PLPPR2: variants seen among roughly 807,000 people sequenced by gnomAD.
The protein encoded by PLPPR2 is phospholipid phosphatase-related protein type 2.
A neutral mutation model predicts 40.3 loss-of-function variants in PLPPR2; 11 were observed. That is an observed-to-expected ratio of 0.27 (90% confidence interval 0.17 to 0.45). The LOEUF (loss-of-function observed/expected upper bound fraction) is 0.45. Ranked by LOEUF, PLPPR2 falls within the 20% of genes least tolerant of loss-of-function variation. PLPPR2 has a pLI of 1.00. For synonymous variants in PLPPR2, 260 were observed against 290.8 expected (o/e 0.89, Z 1.08); for missense variants, 497 against 640.7 (o/e 0.78, Z 2.42).
chr19:11,363,542 A>G lies in PLPPR2; in HGVS notation c.841-171A>G, dbSNP rs1968107801. 6.6e-6 allele frequency among the ~76,000 whole-genome samples: 1 copy of G among 152,208 alleles called. No individual in the cohort carries two copies. Among genetic ancestry groups the G allele is most frequent in the African/African-American group, 2.4e-5 (1 of 41,464 alleles). ...TGTGGGGTCTGTGGGATAAATAATAATTGCACCTACCTCAGTAAAATGGAA... is the reference window on the plus strand; with the variant it reads ...TGTGGGGTCTGTGGGATAAATAATAGTTGCACCTACCTCAGTAAAATGGAA... On this transcript the variant is annotated intron_variant, in intron 7 of 9. Transcript: ENST00000688289. This position sits in a 1 kb window ranked among gnomAD's most constrained non-coding sequence, Gnocchi z 4.8.
In PLPPR2 at chr19:11,364,696, G is replaced by C. The variant is rs1234141259; in HGVS notation, c.*6G>C. On this transcript the variant is annotated 3_prime_UTR_variant, in exon 10 of 10. Coordinates refer to ENST00000688289, the MANE Select transcript of PLPPR2 (RefSeq NM_001393892.1). The surrounding 1 kb of genome is among the most constrained non-coding windows in gnomAD (Gnocchi z 5.8). ...GCCGTGACCACCTGCTGTGAGGCCCGACCACCCACCCAGAATCTGCCCAGT... is the reference window on the plus strand; with the variant it reads ...GCCGTGACCACCTGCTGTGAGGCCCCACCACCCACCCAGAATCTGCCCAGT... 3 of 1,536,706 alleles carry C rather than the reference G, an allele frequency of 2.0e-6. No individual in the cohort carries two copies. The highest frequency in any genetic ancestry group is 2.6e-6 in the Non-Finnish European group (3 of 1,146,782).
In PLPPR2 at chr19:11,361,269, G is replaced by A; in HGVS notation, c.444G>A (p.Gln148=). The A allele has an allele frequency of 2.5e-6, 4 of 1,613,450 alleles. No individual in the cohort carries two copies. Among genetic ancestry groups the A allele is most frequent in the Non-Finnish European group, 3.4e-6 (4 of 1,179,940 alleles). ...CGACCATCTTCGCCAACGCGGGGCA[G>A]GTGGTGACCGGCAATCCCACGCCAC... ...FTTTIFANAG[Q]VVTGNPTPHF... The change falls in exon 6 of 10, where the codon CAG becomes CAA. Residue 148 remains glutamine (Q), a synonymous_variant. Coordinates refer to ENST00000688289, the MANE Select transcript of PLPPR2 (RefSeq NM_001393892.1). This position sits in a 1 kb window ranked among gnomAD's most constrained non-coding sequence, Gnocchi z 6.3.
chr19:11,361,593 G>A lies in PLPPR2; in HGVS notation c.663+105G>A. On this transcript the variant is annotated intron_variant, in intron 6 of 9. Coordinates refer to ENST00000688289, the MANE Select transcript of PLPPR2 (RefSeq NM_001393892.1). The surrounding 1 kb of genome is among the most constrained non-coding windows in gnomAD (Gnocchi z 6.3). ...GAGCCTCTGCTCTTCCACGCCCCGG[G>A]TGCTGTTGGAAGCTCTCGCTCCACG... The A allele has an allele frequency of 6.8e-7, 1 of 1,462,108 alleles. No homozygotes were observed. Among genetic ancestry groups the A allele is most frequent in the Middle Eastern group, 2.4e-4 (1 of 4,116 alleles). The allele number at this position is 1,462,108 out of a possible 1,614,324, so 90.6% of individuals were successfully genotyped here.
In PLPPR2 at chr19:11,364,874, G is replaced by A. The variant is rs1330497016; in HGVS notation, c.*184G>A. ...CTCTGGCCCTCTGAGATATCCCGAT[G>A]GGCACAAATGGAAGGTGCGCACTTG... On this transcript the variant is annotated 3_prime_UTR_variant, in exon 10 of 10. Coordinates refer to ENST00000688289, the MANE Select transcript of PLPPR2 (RefSeq NM_001393892.1). This position sits in a 1 kb window ranked among gnomAD's most constrained non-coding sequence, Gnocchi z 5.8. 4 of 698,384 alleles carry A rather than the reference G, an allele frequency of 5.7e-6. No homozygotes were observed. The highest frequency in any genetic ancestry group is 7.1e-6 in the Non-Finnish European group (3 of 420,308). 43.3% of individuals were successfully genotyped at this position (698,384 alleles called of 1,614,324 possible).
chr19:11,365,469 G>A lies in PLPPR2; in HGVS notation c.*779G>A, dbSNP rs1243311012. The A allele has an allele frequency of 1.3e-5, 2 of 152,708 alleles. No individual in the cohort carries two copies. Among genetic ancestry groups the A allele is most frequent in the Non-Finnish European group, 2.9e-5 (2 of 68,132 alleles). 9.5% of individuals were successfully genotyped at this position (152,708 alleles called of 1,614,324 possible). A position where few individuals can be genotyped will look rare whatever the true frequency, so the allele number is the denominator to read the frequency against. On this transcript the variant is annotated 3_prime_UTR_variant, in exon 10 of 10. Coordinates refer to ENST00000688289, the MANE Select transcript of PLPPR2 (RefSeq NM_001393892.1). ...GTTATTTATTAGGGCTGTGGGAAGG[G>A]TTTTTCTTCTTTTTCTTGGAACCTG...
chr19:11,357,259 T>C (rs59656596), intron 2 of PLPPR2, among the ~76,000 whole-genome samples: 11,961 of 151,786 alleles, frequency 0.079, 931 homozygotes, highest in African/African-American at 0.2. Context: ...GGGGGCCCCT[T>C]GGGAAAGAGG....
chr19:11,361,266 G>A lies in PLPPR2; in HGVS notation c.441G>A (p.Gly147=), dbSNP rs1968033607. The A allele has an allele frequency of 6.2e-7, 1 of 1,613,224 alleles. No homozygotes were observed. The highest frequency in any genetic ancestry group is 1.3e-5 in the African/African-American group (1 of 74,914). ...LFTTTIFANA[G]QVVTGNPTPH... ...CCACGACCATCTTCGCCAACGCGGG[G>A]CAGGTGGTGACCGGCAATCCCACGC... Residue 147 remains glycine, a synonymous_variant, in exon 6 of 10, where the codon GGG becomes GGA. Transcript: ENST00000688289. This position sits in a 1 kb window ranked among gnomAD's most constrained non-coding sequence, Gnocchi z 6.3.
chr19:11,359,427 AC>A lies in PLPPR2; in HGVS notation c.67-102del, dbSNP rs2144670008. On this transcript the variant is annotated intron_variant, in intron 3 of 9. Coordinates refer to ENST00000688289, the MANE Select transcript of PLPPR2 (RefSeq NM_001393892.1). This position sits in a 1 kb window ranked among gnomAD's most constrained non-coding sequence, Gnocchi z 5.6. ...CTCCATCTTCTAGTTTCTGTCTCTA[AC>A]CCATGTTTCTCCATCTCTGTATCTC... 3 of 1,059,638 alleles carry A rather than the reference AC, an allele frequency of 2.8e-6. No individual in the cohort carries two copies. The Admixed American group carries it at 9.9e-5, about 35-fold the overall frequency. 65.6% of individuals were successfully genotyped at this position (1,059,638 alleles called of 1,614,324 possible).
rs1471335321 is a variant in PLPPR2 at position 11,365,402 on chromosome 19, G to C, written c.*712G>C. ...CAGAGGTTTTGGGGTTCAGGGTGCT[G>C]TGTCTCCCCTTGCCTGTGCCCAGGT... On this transcript the variant is annotated 3_prime_UTR_variant, in exon 10 of 10. Coordinates refer to ENST00000688289, the MANE Select transcript of PLPPR2 (RefSeq NM_001393892.1). 1.3e-5 allele frequency: 2 copies of C among 152,948 alleles called. No homozygotes were observed. The highest frequency in any genetic ancestry group is 4.8e-5 in the African/African-American group (2 of 41,446). The allele number at this position is 152,948 out of a possible 1,614,324, so 9.5% of individuals were successfully genotyped here. A position where few individuals can be genotyped will look rare whatever the true frequency, so the allele number is the denominator to read the frequency against.
chr19:11,357,582 T>G, intron 2 of PLPPR2, 78 bp from the exon 3 acceptor site: 1 of 1,074,736 alleles, frequency 9.3e-7, no homozygotes, highest in South Asian at 1.6e-5. Flanking sequence ...ACTCAGGGGA[T>G]GAAGCCAGGG....
rs913318835 is a variant in PLPPR2, at chr19:11,364,528, T to C, written c.1197T>C (p.Pro399=). Residue 399 remains proline (P), a synonymous_variant, in exon 10 of 10, where the codon CCT becomes CCC. Coordinates refer to ENST00000688289, the MANE Select transcript of PLPPR2 (RefSeq NM_001393892.1). This position sits in a 1 kb window ranked among gnomAD's most constrained non-coding sequence, Gnocchi z 5.8. ...TPSQGPSPSS[P]GPGGPGGGGG... is the part of the protein sequence containing the mutation. ...GCCAGGGCCCCTCGCCTTCCTCCCCTGGACCTGGGGGGCCAGGCGGGGGTG... is the reference window on the plus strand; with the variant it reads ...GCCAGGGCCCCTCGCCTTCCTCCCCCGGACCTGGGGGGCCAGGCGGGGGTG... 2.6e-6 allele frequency: 4 copies of C among 1,534,936 alleles called. No homozygotes were observed. The highest frequency in any genetic ancestry group is 1.4e-5 in the African/African-American group (1 of 72,998).
chr19:11,363,954 T>G lies in PLPPR2; in HGVS notation c.963+119T>G. On this transcript the variant is annotated intron_variant, in intron 8 of 9. Transcript: ENST00000688289. The surrounding 1 kb of genome is among the most constrained non-coding windows in gnomAD (Gnocchi z 4.8). Reference sequence around the variant, plus strand: ...TCAGAACCATGGGGAAGTGGAGGGATCACCCATCTCTGTGGACATAGGTCC... The same window carrying G: ...TCAGAACCATGGGGAAGTGGAGGGAGCACCCATCTCTGTGGACATAGGTCC... 65 of 1,257,642 alleles carry G rather than the reference T, an allele frequency of 5.2e-5. No individual in the cohort carries two copies. The highest frequency in any genetic ancestry group is 6.7e-5 in the Non-Finnish European group (61 of 911,866). The allele number at this position is 1,257,642 out of a possible 1,614,324, so 77.9% of individuals were successfully genotyped here.
intron 3 of PLPPR2, among the ~76,000 whole-genome samples, 164 bp downstream of exon 3, chr19:11,357,903 G>A (rs1041389484): frequency 1.3e-5 from 2 of 151,932 alleles, no homozygotes; most frequent in East Asian, 1.9e-4. Context: ...GCCACTCCCC[G>A]GGGTCCAATC....
In PLPPR2 at chr19:11,363,591, T is replaced by C. The variant is rs1448560895; in HGVS notation, c.841-122T>C. Reference sequence around the variant, plus strand: ...AACCAACAGTGCCTGGCACATACTATGCATTAGCTGTTTTTGAAAACCGGA... The same window carrying C: ...AACCAACAGTGCCTGGCACATACTACGCATTAGCTGTTTTTGAAAACCGGA... On this transcript the variant is annotated intron_variant, in intron 7 of 9. Transcript: ENST00000688289. The surrounding 1 kb of genome is among the most constrained non-coding windows in gnomAD (Gnocchi z 4.8). 1 of 1,140,972 alleles carries C rather than the reference T, an allele frequency of 8.8e-7. No homozygotes were observed. Among genetic ancestry groups the C allele is most frequent in the African/African-American group, 1.6e-5 (1 of 64,110 alleles). 70.7% of individuals were successfully genotyped at this position (1,140,972 alleles called of 1,614,324 possible). A position where few individuals can be genotyped will look rare whatever the true frequency, so the allele number is the denominator to read the frequency against.
Position 11,363,770 on chromosome 19 carries a change from C to T in PLPPR2, c.898C>T (p.Pro300Ser). Residue 300 changes from proline (P) to serine (S), a missense_variant, in exon 8 of 10, where the codon CCC becomes TCC. Physicochemically the swap from Pro to Ser is moderately conservative, Grantham distance 74. Transcript: ENST00000688289. The surrounding 1 kb of genome is among the most constrained non-coding windows in gnomAD (Gnocchi z 4.8). ...SRPPSGRRLS[P>S]WEDLGQAPTM... Reference sequence around the variant, plus strand: ...GCCACCCTCTGGCCGAAGGCTCTCTCCCTGGGAGGACCTGGGCCAAGCCCC... The same window carrying T: ...GCCACCCTCTGGCCGAAGGCTCTCTTCCTGGGAGGACCTGGGCCAAGCCCC... 6.2e-7 allele frequency: 1 copy of T among 1,614,220 alleles called. No individual in the cohort carries two copies. Among genetic ancestry groups the T allele is most frequent in the Non-Finnish European group, 8.5e-7 (1 of 1,180,024 alleles).
chr19:11,360,007 T>C (rs1294799133), intron 5 of PLPPR2, 51 bp downstream of exon 5: 2 of 1,537,118 alleles, frequency 1.3e-6, no homozygotes, highest in Non-Finnish European at 1.7e-6. Context: ...GGGAGGTGGG[T>C]ATAGAAGAAA....
chr19:11,356,719 G>C (rs988489443), intron 1 of PLPPR2, 83 bp from the exon 2 acceptor site: 2 of 153,654 alleles, frequency 1.3e-5, no homozygotes, highest in Admixed American at 1.3e-4. Flanking sequence ...GCTGCGGCTG[G>C]GTTGTGCTTC....
At position 11,364,003 on chromosome 19, in the gene PLPPR2, A is replaced by G; in HGVS notation, c.964-158A>G. ...CCTGGGCGGACAGCCCCAAAGAATG[A>G]AAGGGAGCACCCCCGTCTTCTTCCC... On this transcript the variant is annotated intron_variant, in intron 8 of 9. Transcript: ENST00000688289. The surrounding 1 kb of genome is among the most constrained non-coding windows in gnomAD (Gnocchi z 5.8). 7.5e-7 allele frequency: 1 copy of G among 1,331,442 alleles called. No homozygotes were observed. Among genetic ancestry groups the G allele is most frequent in the South Asian group, 1.4e-5 (1 of 69,814 alleles). 82.5% of individuals were successfully genotyped at this position (1,331,442 alleles called of 1,614,324 possible).
chr19:11,363,633 C>T lies in PLPPR2; in HGVS notation c.841-80C>T, dbSNP rs1968110958. 1.4e-6 allele frequency: 2 copies of T among 1,475,682 alleles called. No homozygotes were observed. Among genetic ancestry groups the T allele is most frequent in the Non-Finnish European group, 1.8e-6 (2 of 1,103,582 alleles). The allele number at this position is 1,475,682 out of a possible 1,614,324, so 91.4% of individuals were successfully genotyped here. ...AAAACCGGAGCCTCACTTTCCTTATCTGAAAAATGGGGATGGTATTTACAT... is the reference window on the plus strand; with the variant it reads ...AAAACCGGAGCCTCACTTTCCTTATTTGAAAAATGGGGATGGTATTTACAT... On this transcript the variant is annotated intron_variant, in intron 7 of 9. Transcript: ENST00000688289. The surrounding 1 kb of genome is among the most constrained non-coding windows in gnomAD (Gnocchi z 4.8).
Sources: allele counts gnomAD v4.1 joint callset (sites outside exome capture counted in the v4.1 genomes callset), GRCh38; gene constraint gnomAD v4.1.1; non-coding constraint Gnocchi (gnomAD v3.1); transcripts MANE v1.5; gene names NCBI Gene and HGNC (gene_info 2026-07-23, HGNC 2026-07-21).